PARP4: variants seen among roughly 807,000 people sequenced by gnomAD.
PARP4 encodes protein mono-ADP-ribosyltransferase PARP4.
PARP4 carries 120 observed loss-of-function variants against 187.7 expected under a neutral mutation model. That is an observed-to-expected ratio of 0.64 (90% confidence interval 0.55 to 0.74). The LOEUF (loss-of-function observed/expected upper bound fraction) is 0.74. Ranked by LOEUF, PARP4 falls within the 30% of genes least tolerant of loss-of-function variation. PARP4 has a pLI of 0.00. For missense variants in PARP4, 1,836 were observed against 2,070.5 expected, an observed-to-expected ratio of 0.89 and a Z score of 2.20; for synonymous variants, 654 against 740.9, an observed-to-expected ratio of 0.88 and a Z score of 1.90.
intron 32 of PARP4, among the ~76,000 whole-genome samples, chr13:24,429,556 C>A (rs1870228871): frequency 6.6e-6 from 1 of 152,128 alleles, no homozygotes; most frequent in Admixed American, 6.6e-5. Context: ...GGGTATAGTC[C>A]TTGATCATGA....
chr13:24,497,393 G>A (rs1461022766), intron 6 of PARP4, among the ~76,000 whole-genome samples: 1 of 152,170 alleles, frequency 6.6e-6, no homozygotes, highest in East Asian at 1.9e-4. Flanking sequence ...AGCCCTAGTC[G>A]ATTGCTTGGT....
chr13:24,474,253 C>T (rs1024207710), intron 15 of PARP4, among the ~76,000 whole-genome samples: 5 of 152,072 alleles, frequency 3.3e-5, no homozygotes, highest in African/African-American at 1.2e-4. Flanking sequence ...GACTCCATCA[C>T]TTCCTACACC....
intron 30 of PARP4, among the ~76,000 whole-genome samples, chr13:24,439,751 G>C (rs553657971): frequency 9.8e-5 from 15 of 152,326 alleles, no homozygotes; most frequent in African/African-American, 3.4e-4. Context: ...AGGACAAACA[G>C]TTGATTCTTA....
chr13:24,472,626 A>T (rs1324171586), intron 15 of PARP4, among the ~76,000 whole-genome samples: 1 of 152,096 alleles, frequency 6.6e-6, no homozygotes, highest in African/African-American at 2.4e-5. Context: ...ATTTTAGAAA[A>T]CCAAAAACTT....
chr13:24,439,768 C>T (rs985057873), intron 30 of PARP4, among the ~76,000 whole-genome samples: 3 of 152,162 alleles, frequency 2.0e-5, no homozygotes, highest in African/African-American at 4.8e-5. Context: ...CTTAATTGTA[C>T]ATCAGAATTT....
chr13:24,464,858 A>G (rs1470292363), intron 17 of PARP4, among the ~76,000 whole-genome samples: 4 of 152,054 alleles, frequency 2.6e-5, no homozygotes, highest in Admixed American at 2.6e-4. Context: ...CGACCAGACA[A>G]CCTAGAGAAT....
chr13:24,493,626 G>A lies in PARP4; in HGVS notation c.849C>T (p.Leu283=). 3 of 1,612,772 alleles carry A rather than the reference G, an allele frequency of 1.9e-6. No individual in the cohort carries two copies. Among genetic ancestry groups the A allele is most frequent in the East Asian group, 4.5e-5 (2 of 44,786 alleles). Reference sequence around the variant, plus strand: ...TGAGGCTAATCCTGTTCACTGGCTTGAGAAGCATGTGTTCCAGGTGGCCCA... The same window carrying A: ...TGAGGCTAATCCTGTTCACTGGCTTAAGAAGCATGTGTTCCAGGTGGCCCA... The part of the protein sequence containing the change: ...EALGHLEHML[L]KPVNRISLND... The change falls in exon 8 of 34, where the codon CTC becomes CTT. Residue 283 remains leucine (L), a synonymous_variant. Coordinates refer to ENST00000381989, the MANE Select transcript of PARP4 (RefSeq NM_006437.4).
intron 20 of PARP4, among the ~76,000 whole-genome samples, chr13:24,458,160 A>G (rs976666175): frequency 1.7e-4 from 25 of 146,526 alleles, no homozygotes; most frequent in African/African-American, 6.4e-4. Flanking sequence ...CCCAGGCTGG[A>G]GTGCAGTGGC....
At chr13:24,473,059 T>G (rs1251181409) in intron 15 of PARP4, among the ~76,000 whole-genome samples, 2 of 152,008 alleles carry the variant, frequency 1.3e-5, no homozygotes, top group African/African-American at 4.8e-5. Flanking sequence ...ACCTCCCAAG[T>G]AGATGGGACT....
intron 33 of PARP4, among the ~76,000 whole-genome samples, chr13:24,425,823 C>A (rs905179557): frequency 2.0e-5 from 3 of 151,948 alleles, no homozygotes; most frequent in Admixed American, 2.0e-4. Flanking sequence ...ACTGGTGCTA[C>A]AAGGTGGCTG....
At position 24,455,099 on chromosome 13, in the gene PARP4, G is replaced by T. The variant is rs1465110861; in HGVS notation, c.2676C>A (p.Phe892Leu). 3.7e-6 allele frequency: 6 copies of T among 1,613,394 alleles called. No individual in the cohort carries two copies. Among genetic ancestry groups the T allele is most frequent in the Non-Finnish European group, 4.2e-6 (5 of 1,179,524 alleles). ...GCAAGGCGATTTGCTTGGCTTGCAA[G>T]AATGTCACACCCTCCATGGAACTGG... The part of the protein sequence containing the change: ...DCSSSMEGVT[F>L]LQAKQIALHA... Residue 892 changes from phenylalanine to leucine, a missense_variant, in exon 22 of 34, where the codon TTC (phenylalanine) becomes TTA (leucine). By Grantham distance (22) the Phe-to-Leu change is conservative. Around this residue, in one of 8 missense-constraint regions of PARP4, gnomAD observed 1,147 missense variants for 1,214.2 expected, o/e 0.94. Transcript: ENST00000381989.
chr13:24,458,788 A>C (rs1300449781), intron 20 of PARP4, among the ~76,000 whole-genome samples: 2 of 152,192 alleles, frequency 1.3e-5, no homozygotes, highest in East Asian at 3.8e-4. Context: ...ATAATTTCTG[A>C]AACAGGCGAA....
At chr13:24,447,302 T>C in intron 25 of PARP4, 116 bp from the exon 26 acceptor site, 1 of 602,338 alleles carries the variant, frequency 1.7e-6, no homozygotes, top group African/African-American at 1.9e-5. Flanking sequence ...TCTGGTATTT[T>C]CTCTCCTTCC....
intron 15 of PARP4, among the ~76,000 whole-genome samples, chr13:24,471,871 A>G (rs1473938532): frequency 6.6e-6 from 1 of 152,222 alleles, no homozygotes; most frequent in East Asian, 1.9e-4. Context: ...TAGATTGAAT[A>G]GCCACTACAC....
At chr13:24,502,842 G>C (rs1418523174) in intron 2 of PARP4, among the ~76,000 whole-genome samples, 2 of 152,218 alleles carry the variant, frequency 1.3e-5, no homozygotes, top group African/African-American at 4.8e-5. Context: ...GAAGTAAACA[G>C]GGACATTGCA....
rs1196818441 is a variant in PARP4, at chr13:24,456,479, C to A, written c.2425-1G>T. Reference sequence around the variant, plus strand: ...TAATGACAGCTTTGCAGTCTGTGCGCTGCAAAACAAACACCGCGACAACAA... The same window carrying A: ...TAATGACAGCTTTGCAGTCTGTGCGATGCAAAACAAACACCGCGACAACAA... On this transcript the variant is annotated splice_acceptor_variant, in intron 20 of 33. Coordinates refer to ENST00000381989, the MANE Select transcript of PARP4 (RefSeq NM_006437.4). LOFTEE classifies it high-confidence loss of function. 3.8e-6 allele frequency: 6 copies of A among 1,587,680 alleles called. No homozygotes were observed. The East Asian group carries it at 1.4e-4, about 36-fold the overall frequency.
At chr13:24,482,965 A>G (rs1346541763) in intron 12 of PARP4, among the ~76,000 whole-genome samples, 1 of 152,018 alleles carries the variant, frequency 6.6e-6, no homozygotes, top group Admixed American at 6.5e-5. Flanking sequence ...TCCACTGTCG[A>G]TGGACATCTG....
intron 15 of PARP4, among the ~76,000 whole-genome samples, chr13:24,470,388 G>C (rs1219149437): frequency 6.6e-6 from 1 of 152,086 alleles, no homozygotes; most frequent in African/African-American, 2.4e-5. Context: ...AATGATTCCA[G>C]AATAGTCCTT....
Position 24,490,798 on chromosome 13 carries a change from T to C in PARP4, c.1084A>G (p.Thr362Ala), listed in dbSNP as rs1300679775. 3 of 1,614,096 alleles carry C rather than the reference T, an allele frequency of 1.9e-6. No homozygotes were observed. The change falls in exon 10 of 34, where the codon ACT becomes GCT. Residue 362 changes from threonine (T) to alanine (A), a missense_variant. By Grantham distance (58) the Thr-to-Ala change is moderately conservative. This residue lies in a region of PARP4 where 1,147 missense variants were observed against 1,214.2 expected (regional missense o/e 0.94). Transcript: ENST00000381989. ...LIRDMVNVCE[T>A]NLSKPNPPSL... ...GGTGGGTTGGGTTTGGACAAATTAG[T>C]TTCACAGACATTAACCATGTCTCTT...
Sources: gnomAD v4.1 joint callset for allele counts (sites outside exome capture counted in the v4.1 genomes callset) on GRCh38, gnomAD v4.1.1 for gene constraint, gnomAD v4.1.1 regional missense constraint, MANE v1.5 for transcripts, NCBI Gene and HGNC (gene_info 2026-07-23, HGNC 2026-07-21) for gene names.